HPSE: variants seen among roughly 807,000 people sequenced by gnomAD.
HPSE encodes the protein endo-glucoronidase.
HPSE carries 48 observed loss-of-function variants against 65.1 expected under a neutral mutation model. The ratio of observed to expected loss-of-function variants is 0.74; its 90% CI spans 0.58 to 0.94. The LOEUF (loss-of-function observed/expected upper bound fraction) is 0.94, where lower values mean the gene tolerates loss of function less well. HPSE is among the 40% of genes least tolerant of loss of function. HPSE has a pLI of 0.00. For synonymous variants in HPSE, 243 were observed against 260.0 expected (o/e 0.93, Z 0.63); for missense variants, 644 against 637.5 (o/e 1.01, Z -0.11).
At chr4:83,302,608 C>CACACACATACACAAACACATGT (rs1035027237) in intron 9 of HPSE, among the ~76,000 whole-genome samples, 1 of 152,204 alleles carries the variant, frequency 6.6e-6, no homozygotes, top group African/African-American at 2.4e-5. Flanking sequence ...CTTTTAGACA[C>CACACACATACACAAACACATGT]ACACACATAC....
chr4:83,329,189 C>T (rs959095916), intron 1 of HPSE, among the ~76,000 whole-genome samples: 1 of 152,034 alleles, frequency 6.6e-6, no homozygotes, highest in Non-Finnish European at 1.5e-5. Flanking sequence ...CTGTCCACTC[C>T]CTCCTCCCGC....
chr4:83,316,738 G>C (rs1314863706), intron 3 of HPSE, among the ~76,000 whole-genome samples: 1 of 152,154 alleles, frequency 6.6e-6, no homozygotes, highest in Non-Finnish European at 1.5e-5. Flanking sequence ...TCCTTTTCCT[G>C]CTCAAACAGG....
intron 11 of HPSE, among the ~76,000 whole-genome samples, chr4:83,298,004 T>C (rs1484620151): frequency 6.6e-6 from 1 of 152,194 alleles, no homozygotes; most frequent in Non-Finnish European, 1.5e-5. Context: ...CTGCTGGAGA[T>C]AAGATGAGGT....
intron 4 of HPSE, among the ~76,000 whole-genome samples, chr4:83,311,279 T>A (rs1736365220): frequency 6.6e-6 from 1 of 152,158 alleles, no homozygotes; most frequent in African/African-American, 2.4e-5. Context: ...CACTCCAGCC[T>A]GAGTGACAGA....
At chr4:83,333,309 C>A (rs1737473099) in intron 1 of HPSE, among the ~76,000 whole-genome samples, 1 of 152,204 alleles carries the variant, frequency 6.6e-6, no homozygotes, top group South Asian at 2.1e-4. Flanking sequence ...CATTCTACAG[C>A]TGAAGAAATC....
intron 2 of HPSE, among the ~76,000 whole-genome samples, chr4:83,321,833 C>G (rs1481792722): frequency 2.0e-5 from 3 of 152,082 alleles, no homozygotes; most frequent in Admixed American, 1.3e-4. Flanking sequence ...GAATAAATAT[C>G]CTTCAATCTA....
intron 3 of HPSE, among the ~76,000 whole-genome samples, chr4:83,316,658 A>G (rs1736656655): frequency 6.6e-6 from 1 of 152,232 alleles, no homozygotes; most frequent in East Asian, 1.9e-4. Flanking sequence ...TAGCTCACTC[A>G]GGATGACTAC....
intron 1 of HPSE, among the ~76,000 whole-genome samples, chr4:83,329,991 G>A (rs747584573): frequency 1.1e-4 from 16 of 152,180 alleles, no homozygotes; most frequent in Non-Finnish European, 1.5e-4. Flanking sequence ...TACACTGAGC[G>A]TGTAGGGAAG....
At chr4:83,314,579 TA>T (rs1736554919) in intron 3 of HPSE, among the ~76,000 whole-genome samples, 1 of 152,220 alleles carries the variant, frequency 6.6e-6, no homozygotes, top group African/African-American at 2.4e-5. Context: ...CTCTGCTTTT[TA>T]AACCATTAGC....
In HPSE at chr4:83,308,938, G is replaced by C. The variant is rs1379582217; in HGVS notation, c.998C>G (p.Thr333Ser). The C allele has an allele frequency of 1.2e-6, 2 of 1,614,110 alleles. No individual in the cohort carries two copies. The highest frequency in any genetic ancestry group is 2.7e-5 in the African/African-American group (2 of 75,044). Residue 333 changes from threonine (T) to serine (S), a missense_variant, in exon 8 of 12, where the codon ACC becomes AGC. Transcript: ENST00000311412. ...VQKVFQVVES[T>S]RPGKKVWLGE... ...TAACCAGACCTTCTTGCCAGGCCTG[G>C]TGCTCTCAACCACCTATAGAACAGA... is the stretch of plus-strand genomic sequence containing the variant.
chr4:83,309,512 A>G lies in HPSE; in HGVS notation c.891-17T>C. 1 of 1,292,320 alleles carries G rather than the reference A, an allele frequency of 7.7e-7. No homozygotes were observed. Among genetic ancestry groups the G allele is most frequent in the Non-Finnish European group, 1.1e-6 (1 of 903,448 alleles). The allele number at this position is 1,292,320 out of a possible 1,614,324, so 80.1% of individuals were successfully genotyped here. A position where few individuals can be genotyped will look rare whatever the true frequency, so the allele number is the denominator to read the frequency against. ...AAATAGTAGCTAAATTACACAGAAA[A>G]TATTCAGAAAAAAAATAACAAATTT... is the stretch of plus-strand genomic sequence containing the variant. On this transcript the variant is annotated splice_polypyrimidine_tract_variant and intron_variant, in intron 6 of 11. Transcript: ENST00000311412.
In HPSE at chr4:83,295,473, C is replaced by T. The variant is rs139500120; in HGVS notation, c.1503G>A (p.Lys501=). The T allele has an allele frequency of 5.6e-5, 91 of 1,611,104 alleles. No individual in the cohort carries two copies. In the African/African-American group the frequency reaches 1.1e-3, roughly 20 times the overall value. ...KSVQLNGLTL[K]MVDDQTLPPL... is the part of the protein sequence containing the mutation. ...GTGGCAAGGTTTGATCATCCACCAT[C>T]TTTAGAGTTAGACCATTGAGTTGGA... The change falls in exon 12 of 12, where the codon AAG becomes AAA. Residue 501 remains lysine, a synonymous_variant. Coordinates refer to ENST00000311412, the MANE Select transcript of HPSE (RefSeq NM_001098540.3).
At chr4:83,334,492 G>C in intron 1 of HPSE, 64 bp downstream of exon 1, 1 of 1,474,016 alleles carries the variant, frequency 6.8e-7, no homozygotes, top group Non-Finnish European at 9.1e-7. Context: ...GAGAGCGGCT[G>C]GCGGGGCAGA....
intron 1 of HPSE, among the ~76,000 whole-genome samples, chr4:83,322,789 T>TTTTGTGTGTGTGTGTG (rs1553920742): frequency 1.9e-5 from 2 of 104,004 alleles, no homozygotes; most frequent in Non-Finnish European, 4.1e-5. Context: ...AAGAGCTTGT[T>TTTTGTGTGTGTGTGTG]TGTGTGTGTG....
rs560402662 is a variant in HPSE at position 83,305,200 on chromosome 4, G to C, written c.1206+1003C>G. ...TTCGTAAGGCAAAGGTTTATGTCTG[G>C]GCCCTGGGAAAATTTGGATGAGATA... On this transcript the variant is annotated intron_variant, in intron 9 of 11. Coordinates refer to ENST00000311412, the MANE Select transcript of HPSE (RefSeq NM_001098540.3). Among the ~76,000 whole-genome samples the C allele has an allele frequency of 5.9e-5, 9 of 152,180 alleles. No homozygotes were observed. In the South Asian group the frequency reaches 1.5e-3, roughly 25 times the overall value.
chr4:83,330,111 G>C (rs945418978), intron 1 of HPSE, among the ~76,000 whole-genome samples: 1 of 152,194 alleles, frequency 6.6e-6, no homozygotes, highest in African/African-American at 2.4e-5. Flanking sequence ...TTTGCCCAAG[G>C]TAACAAGTCA....
intron 11 of HPSE, among the ~76,000 whole-genome samples, chr4:83,296,582 T>C (rs575173685): frequency 6.6e-6 from 1 of 151,060 alleles, no homozygotes; most frequent in Non-Finnish European, 1.5e-5. Flanking sequence ...GGCTGAGACA[T>C]GAGAATCGTT....
Position 83,302,324 on chromosome 4 carries a change from A to G in HPSE, c.1207-56T>C, listed in dbSNP as rs1735983496. 16 of 1,088,952 alleles carry G rather than the reference A, an allele frequency of 1.5e-5. 1 individual carries two copies. In the South Asian group the frequency reaches 2.1e-4, roughly 14 times the overall value. 67.5% of individuals were successfully genotyped at this position (1,088,952 alleles called of 1,614,324 possible). ...AAAATAGATGTTTACTTATGTCCTT[A>G]TTTAATGAAACCAGTGGCAAGCAAA... On this transcript the variant is annotated intron_variant, in intron 9 of 11. Coordinates refer to ENST00000311412, the MANE Select transcript of HPSE (RefSeq NM_001098540.3).
chr4:83,299,968 G>A (rs28681290), intron 11 of HPSE, among the ~76,000 whole-genome samples: 96,505 of 152,006 alleles, frequency 0.63, 32,143 homozygotes, highest in East Asian at 0.87. Flanking sequence ...TTCCCAAAGT[G>A]TTGGGATTAC....
Sources: allele counts gnomAD v4.1 joint callset (sites outside exome capture counted in the v4.1 genomes callset), GRCh38; gene constraint gnomAD v4.1.1; transcripts MANE v1.5; gene names NCBI Gene and HGNC (gene_info 2026-07-23, HGNC 2026-07-21).